The following WDR41 variants were observed in gnomAD, a reference collection of about 807,000 sequenced individuals.
WDR41 encodes the protein WD repeat-containing protein 41.
In WDR41, 63 loss-of-function variants were observed where a neutral mutation model predicts 69.3. The ratio of observed to expected loss-of-function variants is 0.91; its 90% CI spans 0.74 to 1.12. The LOEUF is 1.12. Among genes scored for constraint, WDR41 ranks in the 50% most tolerant of loss-of-function variants. WDR41 has a pLI of 0.00. For synonymous variants in WDR41, 185 were observed against 192.1 expected, an observed-to-expected ratio of 0.96 and a Z score of 0.31; for missense variants, 543 against 534.5, an observed-to-expected ratio of 1.02 and a Z score of -0.16.
chr5:77,438,330 T>A lies in WDR41; in HGVS notation c.914A>T (p.Tyr305Phe), dbSNP rs768910734. The change falls in exon 10 of 13, where the codon TAC (tyrosine) becomes TTC (phenylalanine). Residue 305 changes from tyrosine (Y) to phenylalanine (F), a missense_variant. Coordinates refer to ENST00000296679, the MANE Select transcript of WDR41 (RefSeq NM_018268.4). ...NVFAAVGRGL[Y>F]VYSLQMKRVI... ...ACGCTTCATTTGAAGGCTATACACGTATAAACCCCTTCCAACTGCAGCAAA... is the reference window on the plus strand; with the variant it reads ...ACGCTTCATTTGAAGGCTATACACGAATAAACCCCTTCCAACTGCAGCAAA... The A allele has an allele frequency of 5.0e-6, 8 of 1,614,046 alleles. No individual in the cohort carries two copies. The highest frequency in any genetic ancestry group is 6.8e-6 in the Non-Finnish European group (8 of 1,179,920).
intron 1 of WDR41, among the ~76,000 whole-genome samples, chr5:77,581,259 T>C (rs1561230252): frequency 1.3e-5 from 2 of 151,924 alleles, no homozygotes; most frequent in Non-Finnish European, 2.9e-5. Flanking sequence ...TTATCAGAAA[T>C]AATGAGGGAC....
chr5:77,488,480 G>A (rs1300537370), intron 2 of WDR41, among the ~76,000 whole-genome samples: 1 of 149,286 alleles, frequency 6.7e-6, no homozygotes, highest in South Asian at 2.1e-4. Flanking sequence ...GCAGAGAAAA[G>A]ACAAGGTTAA....
chr5:77,495,743 G>A (rs1015466238), upstream of WDR41, among the ~76,000 whole-genome samples: 1 of 151,746 alleles, frequency 6.6e-6, no homozygotes. Context: ...GTGAAGAGGA[G>A]GAAACACTTT....
At chr5:77,575,958 G>A (rs1743823170) in intron 1 of WDR41, among the ~76,000 whole-genome samples, 1 of 152,168 alleles carries the variant, frequency 6.6e-6, no homozygotes, top group African/African-American at 2.4e-5. Context: ...CTGTGGTTCT[G>A]AGTACTCCGC....
At chr5:77,587,673 C>A (rs1461409461) in intron 1 of WDR41, among the ~76,000 whole-genome samples, 1 of 152,144 alleles carries the variant, frequency 6.6e-6, no homozygotes, top group African/African-American at 2.4e-5. Flanking sequence ...TCCCCAGTAC[C>A]TCAGAATGTG....
At chr5:77,476,934 ACG>A (rs1209265289) in intron 2 of WDR41, among the ~76,000 whole-genome samples, 89 of 144,708 alleles carry the variant, frequency 6.2e-4, no homozygotes, top group African/African-American at 2.2e-3. Flanking sequence ...AATCCATCTC[ACG>A]TGCAGAGACA....
At chr5:77,501,117 C>T (rs1802012179) in intron 1 of WDR41, among the ~76,000 whole-genome samples, 1 of 152,246 alleles carries the variant, frequency 6.6e-6, no homozygotes, top group Non-Finnish European at 1.5e-5. Flanking sequence ...TTTCTGTTTC[C>T]TAGCCAAGGG....
intron 1 of WDR41, among the ~76,000 whole-genome samples, chr5:77,499,961 G>GC (rs1554033458): frequency 6.2e-5 from 7 of 113,528 alleles, no homozygotes; most frequent in African/African-American, 2.6e-4. Context: ...TTAATTGCTT[G>GC]TTAAAAAAAA....
chr5:77,614,657 G>A (rs1451851787), intron 1 of WDR41, among the ~76,000 whole-genome samples: 1 of 135,746 alleles, frequency 7.4e-6, no homozygotes, highest in Non-Finnish European at 1.6e-5. Context: ...GGGGTGGGGG[G>A]GGAGGGGGGA....
chr5:77,448,209 A>T (rs1469301998), intron 8 of WDR41, among the ~76,000 whole-genome samples: 1 of 152,156 alleles, frequency 6.6e-6, no homozygotes, highest in Non-Finnish European at 1.5e-5. Context: ...GGCTTTTCTC[A>T]GCAGCCCTGG....
chr5:77,513,844 C>A (rs2112177919), intron 1 of WDR41, among the ~76,000 whole-genome samples: 1 of 152,240 alleles, frequency 6.6e-6, no homozygotes, highest in African/African-American at 2.4e-5. Context: ...GAAAACAAAA[C>A]TTTTCTGCTC....
chr5:77,552,554 T>C (rs1414933760), intron 1 of WDR41, among the ~76,000 whole-genome samples: 1 of 152,132 alleles, frequency 6.6e-6, no homozygotes, highest in East Asian at 1.9e-4. Flanking sequence ...AAAATATATA[T>C]GAAAAGGCAC....
At chr5:77,503,443 C>T (rs1802051837) in intron 1 of WDR41, among the ~76,000 whole-genome samples, 1 of 152,124 alleles carries the variant, frequency 6.6e-6, no homozygotes, top group Non-Finnish European at 1.5e-5. Context: ...TTTAATACCC[C>T]ACTGTCAATA....
chr5:77,515,141 T>C (rs879297412), intron 1 of WDR41, among the ~76,000 whole-genome samples: 1 of 152,340 alleles, frequency 6.6e-6, no homozygotes, highest in South Asian at 2.1e-4. Flanking sequence ...TTTTAAAAAA[T>C]TTTTTGACTT....
At chr5:77,524,506 C>T (rs1395360142) in intron 1 of WDR41, among the ~76,000 whole-genome samples, 2 of 152,106 alleles carry the variant, frequency 1.3e-5, no homozygotes, top group African/African-American at 2.4e-5. Flanking sequence ...ATGGGAGAAT[C>T]GCTTGAGCCC....
At chr5:77,510,766 A>AT (rs58752727) in intron 1 of WDR41, among the ~76,000 whole-genome samples, 2,697 of 99,614 alleles carry the variant, frequency 0.027, 47 homozygotes, top group African/African-American at 0.039. Context: ...TCCAAATTCA[A>AT]TTTTTTTTTT....
At chr5:77,514,129 T>A (rs184822376) in intron 1 of WDR41, among the ~76,000 whole-genome samples, 3 of 152,284 alleles carry the variant, frequency 2.0e-5, no homozygotes, top group Admixed American at 2.0e-4. Flanking sequence ...TAGGGAAATA[T>A]ATGGGGGGGA....
chr5:77,463,333 T>C (rs1400825171), intron 3 of WDR41, 107 bp from the exon 4 acceptor site: 1 of 999,148 alleles, frequency 1.0e-6, no homozygotes, highest in African/African-American at 1.7e-5. Flanking sequence ...ATACATTCCA[T>C]TTAAAATTAC....
At chr5:77,464,734 C>CACAATCCA (rs1306213036) in intron 3 of WDR41, 27 bp downstream of exon 3, 3 of 1,609,652 alleles carry the variant, frequency 1.9e-6, no homozygotes, top group Non-Finnish European at 1.7e-6. Flanking sequence ...ATCTTTATCA[C>CACAATCCA]ACAATCCACA....
Sources: allele counts gnomAD v4.1 joint callset (sites outside exome capture counted in the v4.1 genomes callset), GRCh38; gene constraint gnomAD v4.1.1; transcripts MANE v1.5; gene names NCBI Gene and HGNC (gene_info 2026-07-23, HGNC 2026-07-21).